Variants in ITGA9 observed in about 807,000 individuals in gnomAD.
ITGA9 encodes integrin alpha-9.
In ITGA9, 56 loss-of-function variants were observed where a neutral mutation model predicts 127.8. That is an observed-to-expected ratio of 0.44 (90% CI 0.35 to 0.55). The LOEUF (loss-of-function observed/expected upper bound fraction) is 0.55. Ranked by LOEUF, ITGA9 falls within the 20% of genes least tolerant of loss-of-function variation. The pLI is 0.00. For synonymous variants in ITGA9, 508 were observed against 514.5 expected (o/e 0.99, Z 0.17); for missense variants, 1,196 against 1,347.1 (o/e 0.89, Z 1.76).
At chr3:37,613,490 G>T (rs1700044035) in intron 15 of ITGA9, among the ~76,000 whole-genome samples, 2 of 152,162 alleles carry the variant, frequency 1.3e-5, no homozygotes, top group Non-Finnish European at 1.5e-5. Context: ...GTAATGGGAT[G>T]GCTGGGTCAA....
At chr3:37,801,992 A>G (rs571161497) in intron 26 of ITGA9, among the ~76,000 whole-genome samples, 7 of 152,180 alleles carry the variant, frequency 4.6e-5, no homozygotes, top group African/African-American at 1.7e-4. Flanking sequence ...TAATTCATTC[A>G]GTTGACAGGT....
chr3:37,814,588 A>G lies in ITGA9; in HGVS notation c.3010-4303A>G, dbSNP rs7613724. ...CCCACCCCCCCAAAAAAGAAACAAT[A>G]TTAGTTTGACAGAGCCACCACTAGA... On this transcript the variant is annotated intron_variant, in intron 27 of 27. Transcript: ENST00000264741. This position sits in a 1 kb window ranked among gnomAD's most constrained non-coding sequence, Gnocchi z 4.3. Among the ~76,000 whole-genome samples the G allele has an allele frequency of 0.014, 2,071 of 152,166 alleles. 40 individuals are homozygous for G. Among genetic ancestry groups the G allele is most frequent in the African/African-American group, 0.047 (1,931 of 41,504 alleles).
rs750858411 is a variant in ITGA9, at chr3:37,542,469, G to A, written c.1573G>A (p.Gly525Ser). 1.2e-6 allele frequency: 2 copies of A among 1,614,012 alleles called. No individual in the cohort carries two copies. The highest frequency in any genetic ancestry group is 2.2e-5 in the South Asian group (2 of 91,062). Reference protein sequence around the residue: ...LMADVAKKEKGQMPRVYFVLL... With the variant: ...LMADVAKKEKSQMPRVYFVLL... ...GGCTGACGTGGCCAAAAAGGAGAAG[G>A]GCCAGATGCCCAGGGTCTACTTTGT... is the stretch of plus-strand genomic sequence containing the variant. Residue 525 changes from glycine (G) to serine (S), a missense_variant, in exon 15 of 28, where the codon GGC becomes AGC. Transcript: ENST00000264741.
At chr3:37,729,914 G>A (rs1173146097) in intron 18 of ITGA9, among the ~76,000 whole-genome samples, 1 of 152,032 alleles carries the variant, frequency 6.6e-6, no homozygotes, top group East Asian at 1.9e-4. Flanking sequence ...ATGTTGGCCA[G>A]GATGGTCTCA....
intron 4 of ITGA9, among the ~76,000 whole-genome samples, chr3:37,493,353 C>T (rs1698691905): frequency 6.6e-6 from 1 of 152,120 alleles, no homozygotes; most frequent in South Asian, 2.1e-4. Flanking sequence ...TTTAATGGTA[C>T]CAGAGACTTG....
At chr3:37,747,165 A>G (rs928521367) in intron 22 of ITGA9, among the ~76,000 whole-genome samples, 2 of 152,222 alleles carry the variant, frequency 1.3e-5, no homozygotes, top group Non-Finnish European at 1.5e-5. Context: ...AAGTTCACCC[A>G]TTTAAAGCAT....
intron 16 of ITGA9, among the ~76,000 whole-genome samples, chr3:37,637,589 T>C (rs1700292627): frequency 6.6e-6 from 1 of 152,144 alleles, no homozygotes; most frequent in African/African-American, 2.4e-5. Flanking sequence ...AGAGGGACAA[T>C]TTGAGAAAAT....
intron 27 of ITGA9, among the ~76,000 whole-genome samples, chr3:37,805,586 T>C (rs1247004016): frequency 6.6e-6 from 1 of 152,182 alleles, no homozygotes; most frequent in Non-Finnish European, 1.5e-5. Flanking sequence ...AAATCTTTCA[T>C]TATGTCGTTA....
chr3:37,774,394 G>A (rs767034659), intron 23 of ITGA9, among the ~76,000 whole-genome samples: 8 of 151,984 alleles, frequency 5.3e-5, no homozygotes, highest in Admixed American at 1.3e-4. Context: ...AAATGTTGTC[G>A]TTCAAATAAA....
At chr3:37,705,458 G>C (rs1375450219) in intron 18 of ITGA9, among the ~76,000 whole-genome samples, 1 of 152,172 alleles carries the variant, frequency 6.6e-6, no homozygotes, top group African/African-American at 2.4e-5. Flanking sequence ...AAAGTCACAA[G>C]GCCAAATGGC....
At chr3:37,700,183 C>T (rs568573797) in intron 18 of ITGA9, among the ~76,000 whole-genome samples, 1 of 152,112 alleles carries the variant, frequency 6.6e-6, no homozygotes, top group African/African-American at 2.4e-5. Context: ...GGGGTTTCAC[C>T]ATGTTGGCTA....
chr3:37,785,058 G>A lies in ITGA9; in HGVS notation c.2869G>A (p.Gly957Arg). ...PALRVVEIAH[G>R]NPEEVTVVFE... The stretch of plus-strand genomic sequence containing the variant: ...CCTAAGGGTGGTGGAAATAGCTCAT[G>A]GGAACCCAGAAGAGGTGACGGTGAG... Residue 957 changes from glycine to arginine, a missense_variant, in exon 26 of 28, where the codon GGG becomes AGG. Physicochemically the swap from Gly to Arg is moderately radical, Grantham distance 125. Transcript: ENST00000264741. The A allele has an allele frequency of 1.2e-6, 2 of 1,613,894 alleles. No homozygotes were observed. The highest frequency in any genetic ancestry group is 1.7e-6 in the Non-Finnish European group (2 of 1,179,770).
At chr3:37,758,184 G>A (rs1019904781) in intron 23 of ITGA9, among the ~76,000 whole-genome samples, 7 of 149,494 alleles carry the variant, frequency 4.7e-5, no homozygotes, top group Middle Eastern at 3.4e-3. Context: ...TTAGCCGGGC[G>A]CGGTGGCGGG....
intron 26 of ITGA9, among the ~76,000 whole-genome samples, chr3:37,794,161 C>T (rs1697145666): frequency 6.6e-6 from 1 of 152,236 alleles, no homozygotes; most frequent in East Asian, 1.9e-4. Context: ...GTCACTCTGA[C>T]ATCACCCCTG....
intron 15 of ITGA9, among the ~76,000 whole-genome samples, chr3:37,549,008 T>C (rs1445653150): frequency 1.3e-5 from 2 of 152,218 alleles, no homozygotes; most frequent in African/African-American, 4.8e-5. Flanking sequence ...GTGAAGCCGC[T>C]GCTCATGCGA....
rs1221130933 is a variant in ITGA9 at position 37,769,214 on chromosome 3, C to T, written c.2542-8178C>T. On this transcript the variant is annotated intron_variant, in intron 23 of 27. Transcript: ENST00000264741. Reference sequence around the variant, plus strand: ...TTAGCCAGGCATGGTGGCACACACCCATCATCCCAGCTACTCGGGAGGCTG... The same window carrying T: ...TTAGCCAGGCATGGTGGCACACACCTATCATCCCAGCTACTCGGGAGGCTG... Among the ~76,000 whole-genome samples, 13 of 151,788 alleles carry T rather than the reference C, an allele frequency of 8.6e-5. 1 individual carries two copies. The highest frequency in any genetic ancestry group is 8.5e-4 in the Admixed American group (13 of 15,234).
At chr3:37,658,487 A>G (rs1233904239) in intron 17 of ITGA9, among the ~76,000 whole-genome samples, 1 of 152,112 alleles carries the variant, frequency 6.6e-6, no homozygotes, top group East Asian at 1.9e-4. Flanking sequence ...AGTCTGTTTT[A>G]TCAGAGACTA....
intron 18 of ITGA9, among the ~76,000 whole-genome samples, chr3:37,728,436 G>A (rs767904411): frequency 3.7e-4 from 56 of 152,124 alleles, no homozygotes; most frequent in Non-Finnish European, 7.5e-4. Flanking sequence ...TTACCTTGTG[G>A]GTATGTCTGT....
intron 15 of ITGA9, among the ~76,000 whole-genome samples, chr3:37,627,071 A>G (rs1264806988): frequency 6.6e-6 from 1 of 152,108 alleles, no homozygotes; most frequent in Non-Finnish European, 1.5e-5. Context: ...GAGGGACATG[A>G]GTATCAAAGG....
Sources: allele counts gnomAD v4.1 joint callset (sites outside exome capture counted in the v4.1 genomes callset), GRCh38; gene constraint gnomAD v4.1.1; non-coding constraint Gnocchi (gnomAD v3.1); transcripts MANE v1.5; gene names NCBI Gene and HGNC (gene_info 2026-07-23, HGNC 2026-07-21).